The following OPRM1 variants were observed in gnomAD, a reference collection of about 807,000 sequenced individuals.
OPRM1 encodes the protein mu-type opioid receptor.
A neutral mutation model predicts 31.8 loss-of-function variants in OPRM1; 27 were observed. The ratio of observed to expected loss-of-function variants is 0.85; its 90% CI spans 0.63 to 1.17. The LOEUF is 1.17. OPRM1 is among the 50% of genes most tolerant of loss of function. OPRM1 has a pLI of 0.00. For missense variants in OPRM1, 536 were observed against 511.1 expected, an observed-to-expected ratio of 1.05 and a Z score of -0.47; for synonymous variants, 196 against 189.9, an observed-to-expected ratio of 1.03 and a Z score of -0.26.
intron 1 of OPRM1, among the ~76,000 whole-genome samples, chr6:154,040,057 G>A (rs766045386): frequency 1.3e-5 from 2 of 152,116 alleles, no homozygotes; most frequent in African/African-American, 2.4e-5. Flanking sequence ...AATTTCAGGA[G>A]CAGAGAAGTT....
intron 3 of OPRM1, among the ~76,000 whole-genome samples, chr6:154,100,423 G>T (rs1794661156): frequency 6.6e-6 from 1 of 151,664 alleles, no homozygotes; most frequent in East Asian, 1.9e-4. Context: ...GGTAGTGCTT[G>T]TTGCTTTACT....
intron 3 of OPRM1, among the ~76,000 whole-genome samples, chr6:154,228,472 C>T (rs893168028): frequency 6.6e-6 from 1 of 152,178 alleles, no homozygotes; most frequent in African/African-American, 2.4e-5. Context: ...AGAAGAAACA[C>T]GTTCCTTTTC....
intron 1 of OPRM1, among the ~76,000 whole-genome samples, chr6:154,015,137 T>C (rs978241429): frequency 2.6e-5 from 4 of 152,212 alleles, no homozygotes; most frequent in South Asian, 2.1e-4. Flanking sequence ...TACAACACCA[T>C]TGAAAACCAC....
chr6:154,070,931 C>T (rs1786569967), intron 1 of OPRM1, among the ~76,000 whole-genome samples: 1 of 152,146 alleles, frequency 6.6e-6, no homozygotes, highest in South Asian at 2.1e-4. Context: ...CCTTAAAAGG[C>T]AGGTTTTTGT....
intron 3 of OPRM1, among the ~76,000 whole-genome samples, chr6:154,100,375 T>C (rs1249963084): frequency 6.6e-6 from 1 of 151,228 alleles, no homozygotes. Flanking sequence ...CACCCATAAA[T>C]ATTAACCCTA....
At chr6:154,191,575 G>A (rs537617893) in intron 3 of OPRM1, among the ~76,000 whole-genome samples, 2 of 152,154 alleles carry the variant, frequency 1.3e-5, no homozygotes, top group African/African-American at 4.8e-5. Context: ...TTGGGAGGCT[G>A]AGGCAGGAGA....
intron 1 of OPRM1, among the ~76,000 whole-genome samples, chr6:154,026,760 CA>C (rs1392292578): frequency 6.6e-6 from 1 of 152,130 alleles, no homozygotes; most frequent in Non-Finnish European, 1.5e-5. Context: ...TTCAGTATGT[CA>C]GTTGCATTTT....
chr6:154,209,547 C>T (rs566754494), intron 3 of OPRM1, among the ~76,000 whole-genome samples: 15 of 150,696 alleles, frequency 1.0e-4, no homozygotes, highest in East Asian at 3.9e-4. Flanking sequence ...CTCGGGGGGC[C>T]GAGGTGGGAG....
chr6:154,078,801 AGAG>A (rs1221004808), intron 1 of OPRM1, among the ~76,000 whole-genome samples: 1 of 152,126 alleles, frequency 6.6e-6, no homozygotes, highest in East Asian at 1.9e-4. Context: ...TCGCTTGAAC[AGAG>A]GAGGTCAAAG....
chr6:154,169,792 A>C (rs1308758714), intron 3 of OPRM1, among the ~76,000 whole-genome samples: 1 of 152,248 alleles, frequency 6.6e-6, no homozygotes, highest in Non-Finnish European at 1.5e-5. Context: ...TTCTGGCCAC[A>C]GTCACTGATT....
At chr6:154,146,637 A>G (rs1210510868) in intron 3 of OPRM1, among the ~76,000 whole-genome samples, 1 of 152,208 alleles carries the variant, frequency 6.6e-6, no homozygotes, top group Non-Finnish European at 1.5e-5. Flanking sequence ...TAGGGAAAAG[A>G]GCATTTGCAT....
chr6:154,029,926 T>C (rs767241853), intron 1 of OPRM1, among the ~76,000 whole-genome samples: 6 of 152,210 alleles, frequency 3.9e-5, no homozygotes, highest in Non-Finnish European at 8.8e-5. Context: ...TCCCAAGCCA[T>C]GTTGAACTGT....
chr6:154,140,334 T>TTTA (rs200858413), intron 3 of OPRM1, among the ~76,000 whole-genome samples: 9 of 91,822 alleles, frequency 9.8e-5, no homozygotes, highest in African/African-American at 2.3e-4. Flanking sequence ...GTTATTTTAT[T>TTTA]TTTTTTTTTT....
intron 1 of OPRM1, among the ~76,000 whole-genome samples, chr6:154,064,610 G>A (rs1346160309): frequency 1.3e-5 from 2 of 152,078 alleles, no homozygotes; most frequent in Non-Finnish European, 2.9e-5. Flanking sequence ...CTTAAGGGTT[G>A]TATAATTTTA....
At chr6:154,090,486 G>GTA (rs914171549) in intron 2 of OPRM1, among the ~76,000 whole-genome samples, 1 of 152,112 alleles carries the variant, frequency 6.6e-6, no homozygotes, top group Non-Finnish European at 1.5e-5. Flanking sequence ...AACCCAAAGA[G>GTA]TATTACACTG....
chr6:154,051,243 C>A (rs1185994535), intron 1 of OPRM1, among the ~76,000 whole-genome samples: 1 of 152,174 alleles, frequency 6.6e-6, no homozygotes, highest in Non-Finnish European at 1.5e-5. Flanking sequence ...AAAATCCTTA[C>A]TCTAATTTTT....
At chr6:154,010,775 T>C in exon 1 of OPRM1, 1 of 1,414,508 alleles carries the variant, frequency 7.1e-7, no homozygotes, top group Non-Finnish European at 9.2e-7. Flanking sequence ...GAGAATTCGG[T>C]CAAGTGGATG....
At chr6:154,234,272 T>C (rs191045538) in intron 3 of OPRM1, among the ~76,000 whole-genome samples, 2 of 152,282 alleles carry the variant, frequency 1.3e-5, no homozygotes, top group East Asian at 1.9e-4. Flanking sequence ...CTGCGGTACA[T>C]GTTTTTCACA....
intron 3 of OPRM1, among the ~76,000 whole-genome samples, chr6:154,244,262 C>G (rs1348329197): frequency 1.3e-5 from 2 of 151,368 alleles, no homozygotes; most frequent in Non-Finnish European, 1.5e-5. Context: ...TTTTCCCTCA[C>G]AGTAAACATA....
Sources: gnomAD v4.1 joint callset for allele counts (sites outside exome capture counted in the v4.1 genomes callset) on GRCh38, gnomAD v4.1.1 for gene constraint, MANE v1.5 for transcripts, NCBI Gene and HGNC (gene_info 2026-07-23, HGNC 2026-07-21) for gene names.